RAD51B: variants seen among roughly 807,000 people sequenced by gnomAD.
The protein encoded by RAD51B is RAD51 paralog B.
In RAD51B, 38 loss-of-function variants were observed where a neutral mutation model predicts 42.2. The observed-to-expected ratio is 0.90, with a 90% CI of 0.70 to 1.18. RAD51B has a LOEUF of 1.18. Ranked by LOEUF, RAD51B falls within the 50% of genes most tolerant of loss-of-function variation. The probability of loss-of-function intolerance (pLI) is 0.00; values close to 1 mark genes in which losing one functional copy is unlikely to be tolerated. For synonymous variants in RAD51B, 154 were observed against 145.2 expected (o/e 1.06, Z -0.43); for missense variants, 373 against 400.7 (o/e 0.93, Z 0.59).
chr14:68,263,318 C>T (rs1333093366), intron 7 of RAD51B, among the ~76,000 whole-genome samples: 1 of 152,148 alleles, frequency 6.6e-6, no homozygotes, highest in Non-Finnish European at 1.5e-5. Context: ...TTCTAAGAAG[C>T]TTATGTAAAA....
intron 7 of RAD51B, among the ~76,000 whole-genome samples, chr14:68,183,955 G>T (rs943114975): frequency 7.5e-6 from 1 of 133,048 alleles, no homozygotes; most frequent in Non-Finnish European, 1.6e-5. Flanking sequence ...AGGCGGGCGT[G>T]GTGGCGGGCA....
At chr14:68,473,235 A>T (rs2140244516) in intron 10 of RAD51B, among the ~76,000 whole-genome samples, 1 of 152,318 alleles carries the variant, frequency 6.6e-6, no homozygotes. Context: ...AGCCTGGGCA[A>T]AGAGCCCTGG....
intron 10 of RAD51B, among the ~76,000 whole-genome samples, chr14:68,648,419 A>G (rs1217465714): frequency 6.7e-6 from 1 of 148,220 alleles, no homozygotes; most frequent in Non-Finnish European, 1.5e-5. Flanking sequence ...TGTTATGGTG[A>G]AAAAGACATT....
At chr14:68,089,075 AT>A (rs1231484500) in intron 7 of RAD51B, among the ~76,000 whole-genome samples, 2 of 151,072 alleles carry the variant, frequency 1.3e-5, no homozygotes, top group African/African-American at 2.4e-5. Flanking sequence ...AGCCATCATT[AT>A]TTTTTTTTCC....
At chr14:67,980,211 G>A (rs554685366) in intron 7 of RAD51B, among the ~76,000 whole-genome samples, 2 of 152,186 alleles carry the variant, frequency 1.3e-5, no homozygotes, top group South Asian at 4.1e-4. Context: ...TTGGGAGGCC[G>A]AGGCAGGTGG....
chr14:67,884,990 T>A (rs34759521), intron 5 of RAD51B, among the ~76,000 whole-genome samples: 25,752 of 152,060 alleles, frequency 0.17, 2,400 homozygotes, highest in Non-Finnish European at 0.22. Flanking sequence ...TACTTTTGAG[T>A]CTCTAAATGG....
At chr14:68,315,514 G>A (rs2082039128) in intron 8 of RAD51B, among the ~76,000 whole-genome samples, 1 of 151,888 alleles carries the variant, frequency 6.6e-6, no homozygotes, top group Non-Finnish European at 1.5e-5. Context: ...TAAAACTTTA[G>A]GTTTTTTTTC....
At chr14:68,563,771 G>A (rs557520277) in intron 10 of RAD51B, 182 of 985,198 alleles carry the variant, frequency 1.8e-4, no homozygotes, top group Admixed American at 4.3e-4. Context: ...ACTCTGAGGC[G>A]TAACCTGATT....
At chr14:68,613,219 C>T (rs944952780), downstream of RAD51B, among the ~76,000 whole-genome samples, 1 of 151,872 alleles carries the variant, frequency 6.6e-6, no homozygotes, top group Non-Finnish European at 1.5e-5. Context: ...AGTTCAAGAC[C>T]AGCCTGCCCA....
intron 11 of RAD51B, among the ~76,000 whole-genome samples, chr14:68,655,138 T>A (rs1165410044): frequency 6.6e-6 from 1 of 151,882 alleles, no homozygotes; most frequent in East Asian, 1.9e-4. Flanking sequence ...TGAGTGTGTG[T>A]GTGTGTGTGT....
chr14:68,495,504 C>G (rs1196902292), intron 10 of RAD51B, among the ~76,000 whole-genome samples: 3 of 152,168 alleles, frequency 2.0e-5, no homozygotes, highest in Non-Finnish European at 1.5e-5. Context: ...CTTCTCAGGG[C>G]TAGGCTGGAG....
chr14:67,889,372 C>T (rs899718188), intron 7 of RAD51B, among the ~76,000 whole-genome samples: 1 of 148,976 alleles, frequency 6.7e-6, no homozygotes, highest in African/African-American at 2.5e-5. Flanking sequence ...TTATACTGTA[C>T]TTTGAACAGG....
At chr14:68,620,180 A>G (rs1034907687) in intron 10 of RAD51B, among the ~76,000 whole-genome samples, 2 of 152,204 alleles carry the variant, frequency 1.3e-5, no homozygotes, top group Non-Finnish European at 2.9e-5. Context: ...GAAAAAGTCT[A>G]TATTTTCTTG....
In RAD51B at chr14:68,194,289, A is replaced by T. The variant is rs139754889; in HGVS notation, c.757-97595A>T. Among the ~76,000 whole-genome samples, 26 of 152,318 alleles carry T rather than the reference A, an allele frequency of 1.7e-4. No homozygotes were observed. The East Asian group carries it at 2.5e-3, about 15-fold the overall frequency. On this transcript the variant is annotated intron_variant, in intron 7 of 10. Coordinates refer to ENST00000471583, the MANE Select transcript of RAD51B (RefSeq NM_133510.4). ...GAGCAGAGTCTAGTTTAACCTCTAA[A>T]TTAGGAGATGTTTGTTTTAATTTTA...
In RAD51B at chr14:68,477,863, C is replaced by A. The variant is rs1178441567; in HGVS notation, c.*199C>A. On this transcript the variant is annotated 3_prime_UTR_variant, in exon 11 of 11. Coordinates refer to ENST00000471583, the MANE Select transcript of RAD51B (RefSeq NM_133510.4). ...AGCAGGGAAGGTGAAGATGAAGAAGCCTTTGTTCAGGTCTCTAGATGTGTA... is the reference window on the plus strand; with the variant it reads ...AGCAGGGAAGGTGAAGATGAAGAAGACTTTGTTCAGGTCTCTAGATGTGTA... The A allele has an allele frequency of 7.7e-6, 11 of 1,420,658 alleles. No individual in the cohort carries two copies. In the South Asian group the frequency reaches 1.6e-4, roughly 21 times the overall value. 88.0% of individuals were successfully genotyped at this position (1,420,658 alleles called of 1,614,324 possible).
intron 7 of RAD51B, among the ~76,000 whole-genome samples, chr14:68,216,613 T>G (rs572343009): frequency 2.6e-5 from 4 of 152,346 alleles, no homozygotes; most frequent in African/African-American, 9.6e-5. Context: ...TCTTAAAGAA[T>G]CCCATCTAAG....
chr14:68,135,136 G>T (rs959610789), intron 7 of RAD51B, among the ~76,000 whole-genome samples: 17 of 152,108 alleles, frequency 1.1e-4, no homozygotes, highest in Non-Finnish European at 2.4e-4. Context: ...AAGTGTAGTG[G>T]AATGTCTGTG....
chr14:68,281,005 C>T (rs779751041), intron 7 of RAD51B, among the ~76,000 whole-genome samples: 5 of 150,496 alleles, frequency 3.3e-5, no homozygotes, highest in East Asian at 2.0e-4. Flanking sequence ...TGCAGTGAGC[C>T]GTGATTGCAC....
At chr14:67,853,806 C>T (rs1455136623) in intron 4 of RAD51B, among the ~76,000 whole-genome samples, 1 of 152,196 alleles carries the variant, frequency 6.6e-6, no homozygotes, top group Admixed American at 6.5e-5. Flanking sequence ...TATTTATCAT[C>T]AGTTTTGACT....
Sources: allele counts gnomAD v4.1 joint callset (sites outside exome capture counted in the v4.1 genomes callset), GRCh38; gene constraint gnomAD v4.1.1; transcripts MANE v1.5; gene names NCBI Gene and HGNC (gene_info 2026-07-23, HGNC 2026-07-21).